RSPO3: variants seen among roughly 807,000 people sequenced by gnomAD.
RSPO3 encodes R-spondin 3.
RSPO3 carries 17 observed loss-of-function variants against 36.5 expected under a neutral mutation model. That is an observed-to-expected ratio of 0.47 (90% CI 0.32 to 0.70). RSPO3 has a LOEUF of 0.70. Ranked by LOEUF, RSPO3 falls within the 30% of genes least tolerant of loss-of-function variation. The probability of loss-of-function intolerance (pLI) is 0.04; values close to 1 mark genes in which losing one functional copy is unlikely to be tolerated. For missense variants in RSPO3, 294 were observed against 322.5 expected (o/e 0.91, Z 0.68); for synonymous variants, 108 against 107.0 (o/e 1.01, Z -0.06).
intron 4 of RSPO3, among the ~76,000 whole-genome samples, chr6:127,177,953 T>C (rs1436629192): frequency 6.6e-6 from 1 of 151,684 alleles, no homozygotes; most frequent in African/African-American, 2.4e-5. Flanking sequence ...AGTATTAGTC[T>C]CATAATCAGT....
chr6:127,178,629 TA>T (rs1775115958), intron 4 of RSPO3, among the ~76,000 whole-genome samples: 1 of 151,710 alleles, frequency 6.6e-6, no homozygotes, highest in Non-Finnish European at 1.5e-5. Context: ...ATGGAATCAA[TA>T]AAAATATGTG....
At position 127,155,260 on chromosome 6, in the gene RSPO3, A is replaced by T; in HGVS notation, c.456A>T (p.Glu152Asp). The T allele has an allele frequency of 6.2e-7, 1 of 1,613,888 alleles. No individual in the cohort carries two copies. Among genetic ancestry groups the T allele is most frequent in the East Asian group, 2.2e-5 (1 of 44,850 alleles). ...TTTCAGTGCACTGTGAGGTCAGTGAATGGAATCCTTGGAGTCCATGCACGA... is the reference window on the plus strand; with the variant it reads ...TTTCAGTGCACTGTGAGGTCAGTGATTGGAATCCTTGGAGTCCATGCACGA... The part of the protein sequence containing the change: ...CVSIVHCEVS[E>D]WNPWSPCTKK... The change falls in exon 4 of 5, where the codon GAA becomes GAT. Residue 152 changes from glutamate to aspartate, a missense_variant. This residue lies in a region of RSPO3 where 190 missense variants were observed against 185.2 expected (regional missense o/e 1.03). Coordinates refer to ENST00000356698, the MANE Select transcript of RSPO3 (RefSeq NM_032784.5).
Position 127,119,232 on chromosome 6 carries a change from A to G in RSPO3, c.40A>G (p.Asn14Asp). Residue 14 changes from asparagine to aspartate, a missense_variant, in exon 1 of 5, where the codon AAC becomes GAC. Transcript: ENST00000356698. Reference sequence around the variant, plus strand: ...GATTTCTTGGCTTTTTATCATTTTGAACTTTATGGAATACATCGGCAGCCA... The same window carrying G: ...GATTTCTTGGCTTTTTATCATTTTGGACTTTATGGAATACATCGGCAGCCA... ...RLISWLFIIL[N>D]FMEYIGSQNA... The G allele has an allele frequency of 6.2e-7, 1 of 1,613,922 alleles. No individual in the cohort carries two copies. The highest frequency in any genetic ancestry group is 8.5e-7 in the Non-Finnish European group (1 of 1,179,896).
At chr6:127,145,822 C>T (rs747604401) in intron 1 of RSPO3, among the ~76,000 whole-genome samples, 11 of 152,218 alleles carry the variant, frequency 7.2e-5, no homozygotes, top group Non-Finnish European at 1.2e-4. Flanking sequence ...AAAAGAAAGA[C>T]ACATGAGAAA....
chr6:127,193,818 G>A (rs1278976735), intron 4 of RSPO3, among the ~76,000 whole-genome samples: 1 of 152,168 alleles, frequency 6.6e-6, no homozygotes, highest in African/African-American at 2.4e-5. Context: ...CCCTTCTGTA[G>A]AAATCTTATC....
chr6:127,187,729 A>T (rs532700791), intron 4 of RSPO3, among the ~76,000 whole-genome samples: 25 of 152,230 alleles, frequency 1.6e-4, no homozygotes, highest in Non-Finnish European at 2.4e-4. Context: ...CTGAAGAAAA[A>T]ATTACTTATT....
At chr6:127,134,748 G>A (rs1335300577) in intron 1 of RSPO3, among the ~76,000 whole-genome samples, 1 of 152,102 alleles carries the variant, frequency 6.6e-6, no homozygotes, top group East Asian at 1.9e-4. Context: ...ACTTCCACAT[G>A]TTTATCTCAT....
In RSPO3 at chr6:127,179,600, T is replaced by C. The variant is rs7749963; in HGVS notation, c.635-16223T>C. Among the ~76,000 whole-genome samples, 822 of 151,994 alleles carry C rather than the reference T, an allele frequency of 5.4e-3. 6 individuals carry two copies. The highest frequency in any genetic ancestry group is 0.018 in the African/African-American group (751 of 41,520). ...ACAAAGTTGGGTTTGTATTAGTTTT[T>C]TGTTGCTGTCATCATAAATTACCAA... On this transcript the variant is annotated intron_variant, in intron 4 of 4. Coordinates refer to ENST00000356698, the MANE Select transcript of RSPO3 (RefSeq NM_032784.5).
At chr6:127,174,984 C>A (rs1216048628) in intron 4 of RSPO3, among the ~76,000 whole-genome samples, 3 of 151,604 alleles carry the variant, frequency 2.0e-5, no homozygotes, top group Non-Finnish European at 3.0e-5. Context: ...AGACTTCTTT[C>A]ATTTATATCC....
At chr6:127,153,335 T>G (rs1012398781) in intron 3 of RSPO3, among the ~76,000 whole-genome samples, 8 of 151,142 alleles carry the variant, frequency 5.3e-5, no homozygotes, top group African/African-American at 1.9e-4. Context: ...CTTTAGCACT[T>G]TTTTTTTTCA....
chr6:127,119,946 A>AC (rs1479895331), intron 1 of RSPO3: 1 of 152,348 alleles, frequency 6.6e-6, no homozygotes, highest in Admixed American at 6.5e-5. Context: ...AGACAGCAAA[A>AC]CCCCAGCTGT....
chr6:127,195,291 T>G (rs1775492033), intron 4 of RSPO3, among the ~76,000 whole-genome samples: 1 of 152,068 alleles, frequency 6.6e-6, no homozygotes, highest in Admixed American at 6.6e-5. Context: ...ACCTCAGCCT[T>G]CTGCATAGCT....
chr6:127,179,935 T>C (rs929040091), intron 4 of RSPO3, among the ~76,000 whole-genome samples: 1 of 151,884 alleles, frequency 6.6e-6, no homozygotes, highest in African/African-American at 2.4e-5. Context: ...TGTAATTAAA[T>C]GGACCAATCT....
chr6:127,119,876 A>G (rs1773805215), intron 1 of RSPO3: 1 of 152,260 alleles, frequency 6.6e-6, no homozygotes, highest in Non-Finnish European at 1.5e-5. Context: ...GCGCGAGGCG[A>G]TGGGGTTCGC....
At chr6:127,171,858 G>C (rs1774940711) in intron 4 of RSPO3, among the ~76,000 whole-genome samples, 1 of 151,498 alleles carries the variant, frequency 6.6e-6, no homozygotes, top group Admixed American at 6.6e-5. Context: ...TCAGCTGCTG[G>C]ACTTGGATCC....
chr6:127,172,537 C>G (rs964643167), intron 4 of RSPO3, among the ~76,000 whole-genome samples: 1 of 151,526 alleles, frequency 6.6e-6, no homozygotes, highest in Non-Finnish European at 1.5e-5. Context: ...AAATGGTTTT[C>G]CAGGGGAATT....
intron 4 of RSPO3, among the ~76,000 whole-genome samples, chr6:127,161,496 T>C (rs1025010934): frequency 2.0e-5 from 3 of 152,192 alleles, no homozygotes; most frequent in Non-Finnish European, 4.4e-5. Context: ...ACCATTTTTG[T>C]AGGCTCTCTG....
chr6:127,193,365 A>G (rs182883741), intron 4 of RSPO3, among the ~76,000 whole-genome samples: 1 of 152,370 alleles, frequency 6.6e-6, no homozygotes, highest in Admixed American at 6.5e-5. Flanking sequence ...GGAAGAAACA[A>G]TACATTTCTT....
At position 127,198,864 on chromosome 6, in the gene RSPO3, C is replaced by T. The variant is rs1775565558; in HGVS notation, c.*2857C>T. On this transcript the variant is annotated 3_prime_UTR_variant, in exon 5 of 5. Coordinates refer to ENST00000356698, the MANE Select transcript of RSPO3 (RefSeq NM_032784.5). ...CCTGAGTCCTCATTAGTGACTGCGT[C>T]CTTTGGAAGTTATCCCAACCCTGCT... Among the ~76,000 whole-genome samples the T allele has an allele frequency of 6.6e-6, 1 of 152,186 alleles. No individual in the cohort carries two copies. The highest frequency in any genetic ancestry group is 6.5e-5 in the Admixed American group (1 of 15,280).
Sources: gnomAD v4.1 joint callset for allele counts (sites outside exome capture counted in the v4.1 genomes callset) on GRCh38, gnomAD v4.1.1 for gene constraint, gnomAD v4.1.1 regional missense constraint, MANE v1.5 for transcripts, NCBI Gene and HGNC (gene_info 2026-07-23, HGNC 2026-07-21) for gene names.